The following TMEFF2 variants were observed in gnomAD, a reference collection of about 807,000 sequenced individuals.
TMEFF2 encodes transmembrane protein with EGF like and two follistatin like domains 2, also known as tomoregulin-2.
In TMEFF2, 28 loss-of-function variants were observed where a neutral mutation model predicts 53.8. The observed-to-expected ratio is 0.52, with a 90% CI of 0.39 to 0.71. The LOEUF (loss-of-function observed/expected upper bound fraction) is 0.71, where lower values mean the gene tolerates loss of function less well. Ranked by LOEUF, TMEFF2 falls within the 30% of genes least tolerant of loss-of-function variation. The pLI, the probability that TMEFF2 is intolerant of heterozygous loss-of-function variation, is 0.00. For synonymous variants in TMEFF2, 162 were observed against 166.3 expected (o/e 0.97, Z 0.20); for missense variants, 353 against 455.2 (o/e 0.78, Z 2.04).
At position 191,949,992 on chromosome 2, in the gene TMEFF2, G is replaced by A. The variant is rs755737971; in HGVS notation, c.*319C>T. ...AGTCTGATTATATTTACAGTTATGAGATACCGCAAATTTAAGAATGCCAAT... is the reference window on the plus strand; with the variant it reads ...AGTCTGATTATATTTACAGTTATGAAATACCGCAAATTTAAGAATGCCAAT... On this transcript the variant is annotated 3_prime_UTR_variant, in exon 10 of 10. Transcript: ENST00000272771. The A allele has an allele frequency of 9.0e-7, 1 of 1,107,468 alleles. No homozygotes were observed. The highest frequency in any genetic ancestry group is 1.1e-6 in the Non-Finnish European group (1 of 904,106). 68.6% of individuals were successfully genotyped at this position (1,107,468 alleles called of 1,614,324 possible).
At chr2:192,133,009 A>G (rs1410192684) in intron 4 of TMEFF2, among the ~76,000 whole-genome samples, 1 of 152,068 alleles carries the variant, frequency 6.6e-6, no homozygotes, top group African/African-American at 2.4e-5. Context: ...CCCACTCCAC[A>G]TTACCTTCTT....
intron 4 of TMEFF2, among the ~76,000 whole-genome samples, chr2:192,139,390 C>T (rs1236690653): frequency 6.6e-6 from 1 of 152,262 alleles, no homozygotes; most frequent in African/African-American, 2.4e-5. Flanking sequence ...GGAAGGACAG[C>T]ACCATCAAGA....
At chr2:192,159,201 C>A (rs1690577371) in intron 4 of TMEFF2, among the ~76,000 whole-genome samples, 1 of 152,014 alleles carries the variant, frequency 6.6e-6, no homozygotes, top group East Asian at 1.9e-4. Flanking sequence ...TTTTATGCTA[C>A]CGTTATTTGT....
intron 5 of TMEFF2, among the ~76,000 whole-genome samples, chr2:192,014,092 T>C (rs1226465269): frequency 6.6e-6 from 1 of 152,222 alleles, no homozygotes; most frequent in African/African-American, 2.4e-5. Flanking sequence ...GACTAGCTCA[T>C]AGTGGATGTG....
At chr2:192,135,604 A>G (rs556173898) in intron 4 of TMEFF2, among the ~76,000 whole-genome samples, 4 of 149,320 alleles carry the variant, frequency 2.7e-5, no homozygotes, top group Non-Finnish European at 4.5e-5. Flanking sequence ...TCTCCATACC[A>G]CCCCCCAAAA....
At chr2:192,114,572 A>G (rs1028754334) in intron 4 of TMEFF2, among the ~76,000 whole-genome samples, 7 of 151,894 alleles carry the variant, frequency 4.6e-5, no homozygotes, top group African/African-American at 1.4e-4. Flanking sequence ...ATTCACCAAA[A>G]CTAATGAGCA....
At chr2:192,081,700 C>T (rs1165059208) in intron 4 of TMEFF2, among the ~76,000 whole-genome samples, 1 of 151,366 alleles carries the variant, frequency 6.6e-6, no homozygotes, top group Non-Finnish European at 1.5e-5. Context: ...AAAAATATAA[C>T]GGAGGAATGG....
chr2:192,106,839 G>C (rs1390945662), intron 4 of TMEFF2, among the ~76,000 whole-genome samples: 1 of 151,618 alleles, frequency 6.6e-6, no homozygotes, highest in Non-Finnish European at 1.5e-5. Context: ...TCTTTTAGTG[G>C]CAATGTGGTG....
chr2:192,158,004 C>T (rs1014517239), intron 4 of TMEFF2, among the ~76,000 whole-genome samples: 1 of 152,066 alleles, frequency 6.6e-6, no homozygotes, highest in Non-Finnish European at 1.5e-5. Context: ...ACCAGTGGTA[C>T]AATCCTTAGA....
chr2:192,185,783 T>G (rs895342514), intron 2 of TMEFF2, among the ~76,000 whole-genome samples: 3 of 152,148 alleles, frequency 2.0e-5, no homozygotes, highest in Admixed American at 2.0e-4. Context: ...GCTCTTTGCC[T>G]TTATATAATA....
intron 4 of TMEFF2, among the ~76,000 whole-genome samples, chr2:192,122,686 A>C (rs911938289): frequency 6.6e-6 from 1 of 152,122 alleles, no homozygotes; most frequent in Non-Finnish European, 1.5e-5. Flanking sequence ...TAGAATAATA[A>C]GTAATTAGAA....
At chr2:192,115,040 C>A (rs1466964544) in intron 4 of TMEFF2, among the ~76,000 whole-genome samples, 1 of 151,882 alleles carries the variant, frequency 6.6e-6, no homozygotes, top group Non-Finnish European at 1.5e-5. Flanking sequence ...TCAATGCAAT[C>A]CCTATCAAAA....
chr2:192,142,513 T>C lies in TMEFF2; in HGVS notation c.439+37155A>G, dbSNP rs142978086. Reference sequence around the variant, plus strand: ...GGGAGTAGCAATTAGCCAATTCTTTTACTGGACATTATGGAATTACGGAAT... The same window carrying C: ...GGGAGTAGCAATTAGCCAATTCTTTCACTGGACATTATGGAATTACGGAAT... On this transcript the variant is annotated intron_variant, in intron 4 of 9. Coordinates refer to ENST00000272771, the MANE Select transcript of TMEFF2 (RefSeq NM_016192.4). Among the ~76,000 whole-genome samples the C allele has an allele frequency of 2.4e-4, 37 of 152,288 alleles. 1 individual carries two copies. In the East Asian group the frequency reaches 6.8e-3, roughly 28 times the overall value.
At chr2:191,996,862 G>GCCCT (rs1235754634) in intron 7 of TMEFF2, among the ~76,000 whole-genome samples, 1 of 151,846 alleles carries the variant, frequency 6.6e-6, no homozygotes, top group Non-Finnish European at 1.5e-5. Flanking sequence ...GACAGGGCTG[G>GCCCT]GTTAGCCACG....
intron 4 of TMEFF2, among the ~76,000 whole-genome samples, chr2:192,099,794 T>C (rs892399331): frequency 1.3e-5 from 2 of 151,836 alleles, no homozygotes; most frequent in African/African-American, 2.4e-5. Context: ...TTTTTTTTTT[T>C]CCATCTTAGG....
At chr2:192,128,310 A>G (rs544548123) in intron 4 of TMEFF2, among the ~76,000 whole-genome samples, 4 of 152,382 alleles carry the variant, frequency 2.6e-5, no homozygotes, top group South Asian at 4.1e-4. Flanking sequence ...AATCAGCATT[A>G]GTCGAATATA....
chr2:192,129,044 T>A (rs754127610), intron 4 of TMEFF2, among the ~76,000 whole-genome samples: 1 of 152,174 alleles, frequency 6.6e-6, no homozygotes, highest in Non-Finnish European at 1.5e-5. Context: ...TAGGAGAGTG[T>A]TGAGCACCCA....
At chr2:192,037,336 A>AGAAG (rs1553515677) in intron 5 of TMEFF2, among the ~76,000 whole-genome samples, 1 of 150,588 alleles carries the variant, frequency 6.6e-6, no homozygotes, top group Non-Finnish European at 1.5e-5. Context: ...AAAGAAAGAA[A>AGAAG]AACAGAAAAC....
chr2:192,071,706 T>G (rs531885656), intron 4 of TMEFF2, among the ~76,000 whole-genome samples: 2 of 152,040 alleles, frequency 1.3e-5, no homozygotes, highest in Admixed American at 1.3e-4. Context: ...TCTGTGCTAC[T>G]TATACTACTA....
Sources: allele counts gnomAD v4.1 joint callset (sites outside exome capture counted in the v4.1 genomes callset), GRCh38; gene constraint gnomAD v4.1.1; transcripts MANE v1.5; gene names NCBI Gene and HGNC (gene_info 2026-07-23, HGNC 2026-07-21).